PRKCD: variants seen among roughly 807,000 people sequenced by gnomAD.
PRKCD encodes protein kinase C delta.
Under a neutral mutation model 82.2 loss-of-function variants are expected in PRKCD, and 20 were observed. That is an observed-to-expected ratio of 0.24 (90% CI 0.17 to 0.35). The LOEUF (loss-of-function observed/expected upper bound fraction) is 0.35. Among genes scored for constraint, PRKCD ranks in the 10% least tolerant of loss-of-function variants. PRKCD has a pLI of 1.00. For missense variants in PRKCD, 607 were observed against 899.0 expected, an observed-to-expected ratio of 0.68 and a Z score of 4.15; for synonymous variants, 317 against 337.0, an observed-to-expected ratio of 0.94 and a Z score of 0.65.
Position 53,188,793 on chromosome 3 carries a change from G to A in PRKCD, c.1489G>A (p.Glu497Lys), listed in dbSNP as rs782153279. The A allele has an allele frequency of 6.2e-7, 1 of 1,614,230 alleles. No homozygotes were observed. Among genetic ancestry groups the A allele is most frequent in the Non-Finnish European group, 8.5e-7 (1 of 1,180,044 alleles). ...IKIADFGMCK[E>K]NIFGESRAST... ...GATTGCCGACTTTGGGATGTGCAAA[G>A]AGAACATATTCGGGGAGAGCCGGGC... The change falls in exon 16 of 19, where the codon GAG becomes AAG. Residue 497 changes from glutamate (E) to lysine (K), a missense_variant. By Grantham distance (56) the Glu-to-Lys change is moderately conservative. Around this residue, in one of 5 missense-constraint regions of PRKCD, gnomAD observed 251 missense variants for 423.9 expected, o/e 0.59. Coordinates refer to ENST00000330452, the MANE Select transcript of PRKCD (RefSeq NM_006254.4).
At chr3:53,174,729 C>T (rs1303175376) in intron 2 of PRKCD, among the ~76,000 whole-genome samples, 1 of 152,156 alleles carries the variant, frequency 6.6e-6, no homozygotes, top group Non-Finnish European at 1.5e-5. Flanking sequence ...GGCCAGAGCC[C>T]ATGCCCTGGT....
At chr3:53,179,432 C>A in intron 3 of PRKCD, 145 bp from the exon 4 acceptor site, 1 of 1,048,132 alleles carries the variant, frequency 9.5e-7, no homozygotes, top group Non-Finnish European at 1.5e-6. Context: ...CAAGGTAGTT[C>A]TGTGCTCTAG....
At position 53,186,209 on chromosome 3, in the gene PRKCD, A is replaced by T; in HGVS notation, c.1129A>T (p.Ile377Phe). The change falls in exon 13 of 19, where the codon ATC (isoleucine) becomes TTC (phenylalanine). Residue 377 changes from isoleucine (I) to phenylalanine (F), a missense_variant. This residue lies in a region of PRKCD where 251 missense variants were observed against 423.9 expected (regional missense o/e 0.59). Coordinates refer to ENST00000330452, the MANE Select transcript of PRKCD (RefSeq NM_006254.4). Reference sequence around the variant, plus strand: ...GAAGGGCAGAGGAGAGTACTTTGCCATCAAGGCCCTCAAGAAGGATGTGGT... The same window carrying T: ...GAAGGGCAGAGGAGAGTACTTTGCCTTCAAGGCCCTCAAGAAGGATGTGGT... ...ELKGRGEYFA[I>F]KALKKDVVLI... The T allele has an allele frequency of 6.2e-7, 1 of 1,614,150 alleles. No individual in the cohort carries two copies. The highest frequency in any genetic ancestry group is 8.5e-7 in the Non-Finnish European group (1 of 1,179,998).
At chr3:53,171,180 C>T (rs1234103340) in intron 2 of PRKCD, among the ~76,000 whole-genome samples, 1 of 152,190 alleles carries the variant, frequency 6.6e-6, no homozygotes, top group Non-Finnish European at 1.5e-5. Context: ...CTCTCTGGCT[C>T]CTGCCATGAA....
At chr3:53,184,382 A>G (rs1553668509) in intron 9 of PRKCD, among the ~76,000 whole-genome samples, 1 of 147,224 alleles carries the variant, frequency 6.8e-6, no homozygotes, top group Admixed American at 6.8e-5. Flanking sequence ...ATCATGAAAG[A>G]TTGAAATGCT....
chr3:53,173,945 A>G (rs1553665417), intron 2 of PRKCD, among the ~76,000 whole-genome samples: 1 of 152,040 alleles, frequency 6.6e-6, no homozygotes, highest in African/African-American at 2.4e-5. Flanking sequence ...TCTTCCGTCC[A>G]TCTCTACCCT....
chr3:53,186,118 T>C, intron 12 of PRKCD, 49 bp from the exon 13 acceptor site: 1 of 1,607,910 alleles, frequency 6.2e-7, no homozygotes, highest in Non-Finnish European at 8.5e-7. Context: ...AATCGGGCTG[T>C]GGCCCCTGCC....
chr3:53,178,679 T>G (rs1348208783), intron 3 of PRKCD, 142 bp downstream of exon 3: 4 of 707,260 alleles, frequency 5.7e-6, no homozygotes, highest in Non-Finnish European at 9.0e-6. Context: ...CACTCAGCTA[T>G]GAAGGCAGAG....
intron 17 of PRKCD, 38 bp from the exon 18 acceptor site, chr3:53,189,835 G>A: frequency 1.2e-6 from 2 of 1,613,308 alleles, no homozygotes; most frequent in Non-Finnish European, 1.7e-6. Flanking sequence ...ATTTCCCATG[G>A]CCCTTGGGTG....
chr3:53,172,484 T>C lies in PRKCD; in HGVS notation c.-19-5920T>C, dbSNP rs148554016. 5.3e-3 allele frequency among the ~76,000 whole-genome samples: 809 copies of C among 152,280 alleles called. 4 individuals carry two copies. Among genetic ancestry groups the C allele is most frequent in the Non-Finnish European group, 7.7e-3 (523 of 68,012 alleles). ...GGCCTTGGTCTCCTCCGCCCTCCTT[T>C]ATTCATCCACAAGGCTCTGGCAGGC... is the stretch of plus-strand genomic sequence containing the variant. On this transcript the variant is annotated intron_variant, in intron 2 of 18. Coordinates refer to ENST00000330452, the MANE Select transcript of PRKCD (RefSeq NM_006254.4).
At chr3:53,191,395 G>A (rs939642559) in intron 18 of PRKCD, among the ~76,000 whole-genome samples, 3 of 152,190 alleles carry the variant, frequency 2.0e-5, no homozygotes, top group Non-Finnish European at 1.5e-5. Flanking sequence ...GCAAGAGAGT[G>A]AGACTCCATC....
At chr3:53,161,624 G>C (rs947701698) in intron 1 of PRKCD, 196 bp downstream of exon 1, 9 of 151,760 alleles carry the variant, frequency 5.9e-5, no homozygotes, top group Non-Finnish European at 1.2e-4. Flanking sequence ...TAGACAGTGG[G>C]GGCTGAGGTC....
Position 53,189,226 on chromosome 3 carries a change from T to C in PRKCD, c.1723T>C (p.Ser575Pro), listed in dbSNP as rs782099975. ...TTATCCCCGCTGGATCACCAAGGAGTCCAAGGACATCCTGGAGAAGGTGGA... is the reference window on the plus strand; with the variant it reads ...TTATCCCCGCTGGATCACCAAGGAGCCCAAGGACATCCTGGAGAAGGTGGA... ...PHYPRWITKE[S>P]KDILEKLFER... The change falls in exon 17 of 19, where the codon TCC becomes CCC. Residue 575 changes from serine to proline, a missense_variant. Physicochemically the swap from Ser to Pro is moderately conservative, Grantham distance 74. Transcript: ENST00000330452. 1 of 1,593,350 alleles carries C rather than the reference T, an allele frequency of 6.3e-7. No homozygotes were observed. Among genetic ancestry groups the C allele is most frequent in the South Asian group, 1.1e-5 (1 of 90,632 alleles).
At position 53,189,208 on chromosome 3, in the gene PRKCD, C is replaced by T. The variant is rs141992569; in HGVS notation, c.1705C>T (p.Arg569Cys). 9.6e-5 allele frequency: 155 copies of T among 1,612,454 alleles called. 1 individual carries two copies. In the African/African-American group the frequency reaches 1.7e-3, roughly 17 times the overall value. Residue 569 changes from arginine to cysteine, a missense_variant, in exon 17 of 19, where the codon CGC becomes TGC. By Grantham distance (180) the Arg-to-Cys change is radical. Transcript: ENST00000330452. ...SIRVDTPHYP[R>C]WITKESKDIL... ...CCGTGTGGACACGCCACATTATCCC[C>T]GCTGGATCACCAAGGAGTCCAAGGA...
chr3:53,184,750 A>G, intron 9 of PRKCD, 124 bp from the exon 10 acceptor site: 1 of 688,802 alleles, frequency 1.5e-6, no homozygotes, highest in Non-Finnish European at 2.6e-6. Flanking sequence ...GTTTTCCTAG[A>G]AACTGGAACC....
At chr3:53,188,389 G>C (rs1553669858) in intron 15 of PRKCD, among the ~76,000 whole-genome samples, 1 of 152,070 alleles carries the variant, frequency 6.6e-6, no homozygotes, top group African/African-American at 2.4e-5. Flanking sequence ...CATGGTCTCT[G>C]CCTGTGGGAA....
rs1387693180 is a variant in PRKCD at position 53,183,057 on chromosome 3, A to G, written c.572-64A>G. On this transcript the variant is annotated intron_variant, in intron 7 of 18. Transcript: ENST00000330452. ...AGGGCTAGACTGGTCGGCAGGCACCAGCTCATAGACTCTGCCCCTCCCGGT... is the reference window on the plus strand; with the variant it reads ...AGGGCTAGACTGGTCGGCAGGCACCGGCTCATAGACTCTGCCCCTCCCGGT... 32 of 1,538,414 alleles carry G rather than the reference A, an allele frequency of 2.1e-5. No individual in the cohort carries two copies. The East Asian group carries it at 5.0e-4, about 24-fold the overall frequency.
At chr3:53,177,950 T>TC (rs138029015) in intron 2 of PRKCD, among the ~76,000 whole-genome samples, 1 of 147,036 alleles carries the variant, frequency 6.8e-6, no homozygotes, top group Non-Finnish European at 1.5e-5. Context: ...CTTTTTCTTT[T>TC]TTTTTTTTTT....
Position 53,186,259 on chromosome 3 carries a change from C to G in PRKCD, c.1179C>G (p.Cys393Trp). The stretch of plus-strand genomic sequence containing the variant: ...TCCTGATCGACGACGACGTGGAGTG[C>G]ACCATGGTTGAGAAGCGGGTGCTGA... ...DVVLIDDDVE[C>W]TMVEKRVLTL... Residue 393 changes from cysteine (C) to tryptophan (W), a missense_variant, in exon 13 of 19, where the codon TGC becomes TGG. Cys to Trp is a radical substitution (Grantham distance 215, BLOSUM62 -2). Transcript: ENST00000330452. 6.2e-7 allele frequency: 1 copy of G among 1,614,176 alleles called. No homozygotes were observed. Among genetic ancestry groups the G allele is most frequent in the Non-Finnish European group, 8.5e-7 (1 of 1,180,020 alleles).
Sources: allele counts gnomAD v4.1 joint callset (sites outside exome capture counted in the v4.1 genomes callset), GRCh38; gene constraint gnomAD v4.1.1; regional missense constraint gnomAD v4.1.1; transcripts MANE v1.5; gene names NCBI Gene and HGNC (gene_info 2026-07-23, HGNC 2026-07-21).